CADPS2: variants seen among roughly 807,000 people sequenced by gnomAD.
The protein encoded by CADPS2 is calcium-dependent secretion activator 2.
In CADPS2, 93 loss-of-function variants were observed where a neutral mutation model predicts 172.5. That is an observed-to-expected ratio of 0.54 (90% CI 0.46 to 0.64). CADPS2 has a LOEUF of 0.64. Among genes scored for constraint, CADPS2 ranks in the 30% least tolerant of loss-of-function variants. The probability of loss-of-function intolerance (pLI) is 0.00; values close to 1 mark genes in which losing one functional copy is unlikely to be tolerated. For missense variants in CADPS2, 1,420 were observed against 1,565.9 expected, an observed-to-expected ratio of 0.91 and a Z score of 1.57; for synonymous variants, 546 against 555.2, an observed-to-expected ratio of 0.98 and a Z score of 0.23.
chr7:122,359,389 G>T (rs1563143725), intron 27 of CADPS2, among the ~76,000 whole-genome samples: 1 of 152,092 alleles, frequency 6.6e-6, no homozygotes, highest in Non-Finnish European at 1.5e-5. Context: ...AGGGATGTTA[G>T]AGAGGGGTTA....
chr7:122,705,533 C>CTATATTATATATTATATATATT (rs2086885874), intron 2 of CADPS2, among the ~76,000 whole-genome samples: 2 of 108,278 alleles, frequency 1.8e-5, no homozygotes, highest in Admixed American at 2.4e-4. Flanking sequence ...TGTGTATTAT[C>CTATATTATATATTATATATATT]TATATTATAT....
At chr7:122,458,316 T>C (rs1356095571) in intron 14 of CADPS2, among the ~76,000 whole-genome samples, 2 of 152,148 alleles carry the variant, frequency 1.3e-5, no homozygotes, top group Non-Finnish European at 2.9e-5. Context: ...TGATAAAAGA[T>C]GATGAGGAAG....
At chr7:122,697,635 T>C in intron 2 of CADPS2, 1 of 624,478 alleles carries the variant, frequency 1.6e-6, no homozygotes, top group Non-Finnish European at 2.6e-6. Flanking sequence ...CTAGGACTTT[T>C]TTGCTATCTT....
intron 2 of CADPS2, among the ~76,000 whole-genome samples, chr7:122,678,546 G>C (rs2082621604): frequency 6.6e-6 from 1 of 152,210 alleles, no homozygotes; most frequent in East Asian, 1.9e-4. Context: ...ACTGCTTAGA[G>C]GTGAAATCAC....
At chr7:122,835,280 C>A (rs1331545287) in intron 1 of CADPS2, among the ~76,000 whole-genome samples, 1 of 152,180 alleles carries the variant, frequency 6.6e-6, no homozygotes, top group African/African-American at 2.4e-5. Flanking sequence ...AAAACCCCAC[C>A]TGTACATCAC....
At chr7:122,719,157 C>T (rs1294241038) in intron 2 of CADPS2, among the ~76,000 whole-genome samples, 3 of 151,748 alleles carry the variant, frequency 2.0e-5, no homozygotes, top group Non-Finnish European at 2.9e-5. Context: ...GGGCATCAGT[C>T]ACTGAGAGGG....
At chr7:122,789,815 A>C (rs1374248767) in intron 1 of CADPS2, among the ~76,000 whole-genome samples, 1 of 152,170 alleles carries the variant, frequency 6.6e-6, no homozygotes, top group African/African-American at 2.4e-5. Flanking sequence ...CTATGTGTGG[A>C]AAAAATCTGC....
At chr7:122,583,912 C>T in intron 6 of CADPS2, among the ~76,000 whole-genome samples, 1 of 150,842 alleles carries the variant, frequency 6.6e-6, no homozygotes, top group African/African-American at 2.4e-5. Context: ...TATAAAGATC[C>T]AGAAATGAGT....
intron 1 of CADPS2, 131 bp downstream of exon 1, chr7:122,885,868 C>T: frequency 8.9e-7 from 1 of 1,126,268 alleles, no homozygotes; most frequent in Non-Finnish European, 1.3e-6. Context: ...CCAAAGATTC[C>T]TCTGCCCTCA....
At chr7:122,645,684 T>TCTC (rs1554688703) in intron 3 of CADPS2, among the ~76,000 whole-genome samples, 1 of 136,744 alleles carries the variant, frequency 7.3e-6, no homozygotes, top group African/African-American at 2.6e-5. Flanking sequence ...TATATATATC[T>TCTC]TGGGATTTTG....
intron 3 of CADPS2, among the ~76,000 whole-genome samples, chr7:122,645,459 A>G (rs1160925779): frequency 1.1e-5 from 1 of 87,098 alleles, no homozygotes; most frequent in Admixed American, 1.1e-4. Context: ...ACATATGTAT[A>G]TATGTGTATA....
At chr7:122,392,275 GTAATAA>G (rs2044465718) in intron 22 of CADPS2, among the ~76,000 whole-genome samples, 1 of 151,950 alleles carries the variant, frequency 6.6e-6, no homozygotes, top group South Asian at 2.1e-4. Context: ...CCTGATGATA[GTAATAA>G]TAACAAAAAC....
Position 122,738,382 on chromosome 7 carries a change from G to A in CADPS2, c.340-1314C>T, listed in dbSNP as rs373915267. On this transcript the variant is annotated intron_variant, in intron 1 of 29. Transcript: ENST00000449022. ...ACTTCACTAGAAATAAGGCGTCTTA[G>A]ATCTTAGGTAATGCAGAAGCTTTTT... Among the ~76,000 whole-genome samples the A allele has an allele frequency of 4.6e-5, 7 of 151,700 alleles. No individual in the cohort carries two copies. In the East Asian group the frequency reaches 1.4e-3, roughly 30 times the overall value.
intron 3 of CADPS2, among the ~76,000 whole-genome samples, chr7:122,645,924 T>G (rs914077901): frequency 6.6e-6 from 1 of 151,542 alleles, no homozygotes; most frequent in Admixed American, 6.6e-5. Flanking sequence ...AAAAAAGGAA[T>G]GAGCTATTAT....
chr7:122,663,132 G>T (rs763308694), intron 3 of CADPS2, 105 bp downstream of exon 3: 2 of 858,432 alleles, frequency 2.3e-6, no homozygotes, highest in African/African-American at 1.7e-5. Flanking sequence ...AACTTTCCAA[G>T]TAAAGTGATT....
chr7:122,857,232 T>G (rs1815519465), intron 1 of CADPS2, among the ~76,000 whole-genome samples: 1 of 152,234 alleles, frequency 6.6e-6, no homozygotes, highest in Non-Finnish European at 1.5e-5. Context: ...CACTCATTAT[T>G]ATGGCTGGTC....
At chr7:122,862,989 A>T (rs1015608992) in intron 1 of CADPS2, among the ~76,000 whole-genome samples, 5 of 152,192 alleles carry the variant, frequency 3.3e-5, no homozygotes, top group Admixed American at 6.6e-5. Flanking sequence ...TGCTGTCAAC[A>T]CTATTCTCTT....
chr7:122,345,208 C>T (rs59044183), intron 28 of CADPS2, among the ~76,000 whole-genome samples: 34,906 of 152,166 alleles, frequency 0.23, 4,356 homozygotes, highest in East Asian at 0.45. Flanking sequence ...TCACTGCAAC[C>T]TCTGCCTTCC....
At chr7:122,436,253 T>A in intron 17 of CADPS2, 1 of 534,776 alleles carries the variant, frequency 1.9e-6, no homozygotes, top group Non-Finnish European at 2.9e-6. Context: ...GTTGTGTACA[T>A]TAAATATGTA....
Sources: gnomAD v4.1 joint callset for allele counts (sites outside exome capture counted in the v4.1 genomes callset) on GRCh38, gnomAD v4.1.1 for gene constraint, MANE v1.5 for transcripts, NCBI Gene and HGNC (gene_info 2026-07-23, HGNC 2026-07-21) for gene names.